Variants in TBC1D5 observed in about 807,000 individuals in gnomAD.
The protein encoded by TBC1D5 is TBC1 domain family member 5, also known as TBC1 domain family, member 5.
In TBC1D5, 75 loss-of-function variants were observed where a neutral mutation model predicts 100.3. The observed-to-expected ratio is 0.75, with a 90% CI of 0.62 to 0.91. TBC1D5 has a LOEUF of 0.91. TBC1D5 is among the 40% of genes least tolerant of loss of function. The pLI is 0.00. For synonymous variants in TBC1D5, 323 were observed against 325.6 expected, an observed-to-expected ratio of 0.99 and a Z score of 0.09; for missense variants, 910 against 942.4, an observed-to-expected ratio of 0.97 and a Z score of 0.45.
At chr3:17,210,691 A>G (rs1334310150) in intron 18 of TBC1D5, among the ~76,000 whole-genome samples, 1 of 152,184 alleles carries the variant, frequency 6.6e-6, no homozygotes, top group Non-Finnish European at 1.5e-5. Context: ...TGTGTGGGTC[A>G]GTCTATGGAC....
intron 1 of TBC1D5, among the ~76,000 whole-genome samples, chr3:17,636,118 G>A (rs926776142): frequency 2.0e-5 from 3 of 152,048 alleles, no homozygotes; most frequent in Admixed American, 1.3e-4. Flanking sequence ...GCTGGGACCC[G>A]GGAGGCAGAG....
intron 15 of TBC1D5, among the ~76,000 whole-genome samples, chr3:17,271,485 A>T (rs1256093173): frequency 6.6e-6 from 1 of 152,198 alleles, no homozygotes; most frequent in Non-Finnish European, 1.5e-5. Context: ...GTTGTTTATC[A>T]GGTCTAGGAG....
intron 1 of TBC1D5, among the ~76,000 whole-genome samples, chr3:17,664,711 A>T (rs1378746518): frequency 6.6e-6 from 1 of 152,180 alleles, no homozygotes; most frequent in Admixed American, 6.5e-5. Flanking sequence ...ACAAAAGAAA[A>T]CAATTCAAGA....
At chr3:17,638,343 C>T (rs999512597) in intron 1 of TBC1D5, among the ~76,000 whole-genome samples, 4 of 152,044 alleles carry the variant, frequency 2.6e-5, no homozygotes, top group African/African-American at 9.7e-5. Flanking sequence ...CCCCCTTACC[C>T]TAGCAACCCC....
At chr3:17,651,558 A>C (rs1360503617) in intron 1 of TBC1D5, among the ~76,000 whole-genome samples, 1 of 152,148 alleles carries the variant, frequency 6.6e-6, no homozygotes, top group Non-Finnish European at 1.5e-5. Context: ...AAAATACAAA[A>C]AACTTCGTCG....
At chr3:17,574,941 G>C (rs181806059) in intron 2 of TBC1D5, among the ~76,000 whole-genome samples, 1 of 152,184 alleles carries the variant, frequency 6.6e-6, no homozygotes, top group Admixed American at 6.5e-5. Context: ...CCCAGAAAGA[G>C]CCTTAAACAT....
At chr3:17,671,859 CTA>C (rs1333106067) in intron 1 of TBC1D5, among the ~76,000 whole-genome samples, 1 of 152,200 alleles carries the variant, frequency 6.6e-6, no homozygotes, top group Non-Finnish European at 1.5e-5. Context: ...ACGTATTGCA[CTA>C]TGAGAGCAGC....
chr3:17,352,800 G>A (rs1008089594), intron 13 of TBC1D5, among the ~76,000 whole-genome samples: 1 of 150,988 alleles, frequency 6.6e-6, no homozygotes, highest in Non-Finnish European at 1.5e-5. Context: ...CTGTTTTCCA[G>A]AAATATGAGT....
At chr3:17,467,667 G>C (rs1337810172) in intron 3 of TBC1D5, among the ~76,000 whole-genome samples, 1 of 151,982 alleles carries the variant, frequency 6.6e-6, no homozygotes, top group Non-Finnish European at 1.5e-5. Flanking sequence ...ATGAGGCCAG[G>C]AGTTTCAGAC....
intron 17 of TBC1D5, among the ~76,000 whole-genome samples, chr3:17,236,402 T>G (rs2075854406): frequency 6.6e-6 from 1 of 152,196 alleles, no homozygotes; most frequent in Admixed American, 6.5e-5. Flanking sequence ...AAAATACATT[T>G]ACAATATGCT....
At chr3:17,601,511 C>CA (rs1302268036) in intron 2 of TBC1D5, among the ~76,000 whole-genome samples, 1 of 152,124 alleles carries the variant, frequency 6.6e-6, no homozygotes, top group Non-Finnish European at 1.5e-5. Flanking sequence ...AACTCCGTCT[C>CA]AAAATCAAAC....
At chr3:17,230,523 T>A (rs912692444) in intron 17 of TBC1D5, among the ~76,000 whole-genome samples, 1 of 152,154 alleles carries the variant, frequency 6.6e-6, no homozygotes, top group Admixed American at 6.6e-5. Context: ...TTAATTGGAA[T>A]CATCTAATGT....
chr3:17,695,683 G>C (rs2071944242), intron 1 of TBC1D5, among the ~76,000 whole-genome samples: 1 of 152,140 alleles, frequency 6.6e-6, no homozygotes, highest in African/African-American at 2.4e-5. Flanking sequence ...ATATTAGACA[G>C]ATCAACAAGA....
chr3:17,324,055 G>A (rs1490354826), intron 13 of TBC1D5, among the ~76,000 whole-genome samples: 1 of 152,112 alleles, frequency 6.6e-6, no homozygotes, highest in African/African-American at 2.4e-5. Flanking sequence ...AACATGTCAA[G>A]GAAATTCAAT....
intron 3 of TBC1D5, among the ~76,000 whole-genome samples, chr3:17,454,703 G>A (rs1007776340): frequency 4.6e-5 from 7 of 152,002 alleles, no homozygotes; most frequent in African/African-American, 9.7e-5. Context: ...CTCGTGATCC[G>A]CCTGCCTCGG....
intron 8 of TBC1D5, among the ~76,000 whole-genome samples, chr3:17,400,237 A>G (rs1398645673): frequency 1.3e-5 from 2 of 152,150 alleles, no homozygotes; most frequent in African/African-American, 4.8e-5. Context: ...AATTCTTATC[A>G]CAAAGCTAGA....
chr3:17,319,574 T>C (rs543226895), intron 13 of TBC1D5, among the ~76,000 whole-genome samples: 5 of 152,170 alleles, frequency 3.3e-5, no homozygotes, highest in Admixed American at 1.3e-4. Flanking sequence ...AATGTTCTTA[T>C]ACAACATACA....
At chr3:17,263,556 CT>C (rs1559512398) in intron 15 of TBC1D5, among the ~76,000 whole-genome samples, 1 of 152,214 alleles carries the variant, frequency 6.6e-6, no homozygotes, top group East Asian at 1.9e-4. Context: ...TCACTCAACT[CT>C]TTTCTGTTAA....
chr3:17,649,714 C>A (rs1179047483), intron 1 of TBC1D5, among the ~76,000 whole-genome samples: 1 of 152,054 alleles, frequency 6.6e-6, no homozygotes, highest in East Asian at 1.9e-4. Flanking sequence ...ATTAGTTCAA[C>A]CATTGTGGAA....
Sources: gnomAD v4.1 joint callset for allele counts (sites outside exome capture counted in the v4.1 genomes callset) on GRCh38, gnomAD v4.1.1 for gene constraint, MANE v1.5 for transcripts, NCBI Gene and HGNC (gene_info 2026-07-23, HGNC 2026-07-21) for gene names.